The following PKN2 variants were observed in gnomAD, a reference collection of about 807,000 sequenced individuals.
The protein encoded by PKN2 is serine/threonine-protein kinase N2.
In PKN2, 38 loss-of-function variants were observed where a neutral mutation model predicts 119.1. The ratio of observed to expected loss-of-function variants is 0.32; its 90% CI spans 0.25 to 0.42. The LOEUF (loss-of-function observed/expected upper bound fraction) is 0.42, where lower values mean the gene tolerates loss of function less well. PKN2 is among the 10% of genes least tolerant of loss of function. The pLI is 1.00. For synonymous variants in PKN2, 390 were observed against 384.9 expected (o/e 1.01, Z -0.15); for missense variants, 850 against 1,165.1 (o/e 0.73, Z 3.94).
At chr1:88,775,128 CTTATT>C (rs930960820) in intron 6 of PKN2, among the ~76,000 whole-genome samples, 1 of 151,954 alleles carries the variant, frequency 6.6e-6, no homozygotes, top group Admixed American at 6.6e-5. Flanking sequence ...CCACGCTCAG[CTTATT>C]TTATTTTTTT....
Position 88,833,093 on chromosome 1 carries a change from C to A in PKN2, c.2687C>A (p.Pro896His). 6.2e-7 allele frequency: 1 copy of A among 1,611,912 alleles called. No homozygotes were observed. Among genetic ancestry groups the A allele is most frequent in the Non-Finnish European group, 8.5e-7 (1 of 1,178,950 alleles). The change falls in exon 21 of 22, where the codon CCT (proline) becomes CAT (histidine). Residue 896 changes from proline (P) to histidine (H), a missense_variant. This residue lies in a region of PKN2 where 95 missense variants were observed against 150.2 expected (regional missense o/e 0.63). Transcript: ENST00000370521. Reference protein sequence around the residue: ...SIMRRLLRRNPERRLGASEKD... With the variant: ...SIMRRLLRRNHERRLGASEKD... The stretch of plus-strand genomic sequence containing the variant: ...TTATGCTAGCTGTTAAGAAGAAATC[C>A]TGAACGGCGCCTTGGGGCTAGCGAG...
rs551387205 is a variant in PKN2, at chr1:88,835,844, A to G, written c.*2396A>G. The G allele has an allele frequency of 4.6e-5, 7 of 152,416 alleles. No individual in the cohort carries two copies. The highest frequency in any genetic ancestry group is 3.4e-3 in the Middle Eastern group (1 of 294). 9.4% of individuals were successfully genotyped at this position (152,416 alleles called of 1,614,324 possible). A position where few individuals can be genotyped will look rare whatever the true frequency, so the allele number is the denominator to read the frequency against. On this transcript the variant is annotated 3_prime_UTR_variant, in exon 22 of 22. Transcript: ENST00000370521. ...TATTCTTTCCTTTTAGAAACTTCCT[A>G]ATGATTAAAATATACTTTAACTTTT... is the stretch of plus-strand genomic sequence containing the variant.
chr1:88,784,595 AT>A, intron 6 of PKN2, 43 bp from the exon 7 acceptor site: 1 of 1,240,136 alleles, frequency 8.1e-7, no homozygotes, highest in African/African-American at 1.5e-5. Flanking sequence ...GATTCCATAG[AT>A]TAAGGGTTGA....
At chr1:88,689,758 C>T (rs538880057) in intron 1 of PKN2, among the ~76,000 whole-genome samples, 10 of 152,308 alleles carry the variant, frequency 6.6e-5, no homozygotes, top group African/African-American at 2.2e-4. Context: ...TTGCAGTGAG[C>T]TGAGATCACG....
At chr1:88,703,610 A>G (rs975124760) in intron 1 of PKN2, among the ~76,000 whole-genome samples, 2 of 152,130 alleles carry the variant, frequency 1.3e-5, no homozygotes, top group East Asian at 3.9e-4. Context: ...TTATTGATAT[A>G]TTTTGTAATA....
intron 1 of PKN2, among the ~76,000 whole-genome samples, chr1:88,716,131 A>G (rs1371219185): frequency 2.0e-5 from 3 of 152,184 alleles, no homozygotes; most frequent in Non-Finnish European, 4.4e-5. Flanking sequence ...CCTGAGTTCT[A>G]ATCTGATTGC....
intron 1 of PKN2, among the ~76,000 whole-genome samples, chr1:88,715,845 G>A (rs555393151): frequency 1.3e-5 from 2 of 152,228 alleles, no homozygotes; most frequent in Admixed American, 6.5e-5. Flanking sequence ...GCTTTTGAAT[G>A]TGTTTGCTCT....
intron 1 of PKN2, among the ~76,000 whole-genome samples, chr1:88,723,885 G>A (rs1209400267): frequency 1.3e-5 from 2 of 152,014 alleles, no homozygotes; most frequent in African/African-American, 4.8e-5. Context: ...ATAATATTTT[G>A]CCTTCTCATC....
At chr1:88,746,615 G>C (rs542779461) in intron 2 of PKN2, among the ~76,000 whole-genome samples, 10 of 152,176 alleles carry the variant, frequency 6.6e-5, no homozygotes, top group African/African-American at 2.4e-4. Context: ...GTAAGTGATG[G>C]CAAGGATATG....
chr1:88,776,823 C>A (rs898421765), intron 6 of PKN2, among the ~76,000 whole-genome samples: 2 of 151,476 alleles, frequency 1.3e-5, no homozygotes, highest in African/African-American at 2.4e-5. Context: ...TACTGAGGAT[C>A]CCTTGTAAGT....
At chr1:88,729,594 T>C (rs1268351483) in intron 1 of PKN2, among the ~76,000 whole-genome samples, 1 of 152,208 alleles carries the variant, frequency 6.6e-6, no homozygotes, top group Non-Finnish European at 1.5e-5. Flanking sequence ...TAGTTTGGAC[T>C]TCTTTATATA....
At chr1:88,827,655 T>G (rs1570693164) in intron 18 of PKN2, among the ~76,000 whole-genome samples, 1 of 97,086 alleles carries the variant, frequency 1.0e-5, no homozygotes. Flanking sequence ...TCTTCTCCCC[T>G]CCCCTCCCGT....
At chr1:88,752,961 T>A (rs1669058954) in intron 2 of PKN2, among the ~76,000 whole-genome samples, 1 of 152,178 alleles carries the variant, frequency 6.6e-6, no homozygotes. Context: ...TGTTTCTTTT[T>A]CTTTCTTGTC....
At chr1:88,829,272 C>A in intron 19 of PKN2, 1 of 664,134 alleles carries the variant, frequency 1.5e-6, no homozygotes, top group Non-Finnish European at 2.9e-6. Flanking sequence ...GAGAATGAAA[C>A]CAATGAGGTC....
chr1:88,819,135 C>G (rs1250414434), intron 16 of PKN2, among the ~76,000 whole-genome samples: 1 of 152,160 alleles, frequency 6.6e-6, no homozygotes, highest in Non-Finnish European at 1.5e-5. Context: ...GACTTCATGA[C>G]TAAAACACCA....
At chr1:88,702,023 A>G (rs975978427) in intron 1 of PKN2, among the ~76,000 whole-genome samples, 5 of 152,236 alleles carry the variant, frequency 3.3e-5, no homozygotes, top group South Asian at 2.1e-4. Context: ...CAGTGGCGCA[A>G]TCCGGGCTCA....
At chr1:88,744,674 G>T (rs1407547602) in intron 2 of PKN2, among the ~76,000 whole-genome samples, 1 of 152,172 alleles carries the variant, frequency 6.6e-6, no homozygotes, top group Non-Finnish European at 1.5e-5. Flanking sequence ...GCCCACCTCG[G>T]CTTCCCAAAG....
chr1:88,686,709 GATAAAT>G (rs1464914761), intron 1 of PKN2, among the ~76,000 whole-genome samples: 1 of 152,034 alleles, frequency 6.6e-6, no homozygotes, highest in Non-Finnish European at 1.5e-5. Flanking sequence ...AACACTTAAA[GATAAAT>G]AGTCATAAAG....
intron 8 of PKN2, among the ~76,000 whole-genome samples, chr1:88,793,917 C>G (rs188875738): frequency 6.6e-6 from 1 of 152,206 alleles, no homozygotes; most frequent in East Asian, 1.9e-4. Flanking sequence ...TGGTTTAATC[C>G]ACAGATAAGG....
Sources: allele counts gnomAD v4.1 joint callset (sites outside exome capture counted in the v4.1 genomes callset), GRCh38; gene constraint gnomAD v4.1.1; regional missense constraint gnomAD v4.1.1; transcripts MANE v1.5; gene names NCBI Gene and HGNC (gene_info 2026-07-23, HGNC 2026-07-21).